Variants in AKNA observed in about 807,000 individuals in gnomAD.
AKNA encodes the protein AT-hook transcription factor, also known as microtubule organization protein AKNA.
AKNA carries 67 observed loss-of-function variants against 138.8 expected under a neutral mutation model. That is an observed-to-expected ratio of 0.48 (90% confidence interval 0.40 to 0.59). The LOEUF is 0.59. Ranked by LOEUF, AKNA falls within the 20% of genes least tolerant of loss-of-function variation. AKNA has a pLI of 0.00. For synonymous variants in AKNA, 737 were observed against 754.4 expected, an observed-to-expected ratio of 0.98 and a Z score of 0.38; for missense variants, 1,813 against 1,880.4, an observed-to-expected ratio of 0.96 and a Z score of 0.66.
At position 114,377,293 on chromosome 9, in the gene AKNA, C is replaced by T. The variant is rs765308798; in HGVS notation, c.514G>A (p.Val172Met). Reference sequence around the variant, plus strand: ...CCACTGGCTTGTTCGCCAGAAGCCACCCAGCCCCTGGCCTGACCATGCCCA... The same window carrying T: ...CCACTGGCTTGTTCGCCAGAAGCCATCCAGCCCCTGGCCTGACCATGCCCA... The part of the protein sequence containing the change: ...ALGHGQARGW[V>M]ASGEQASGDK... The change falls in exon 3 of 22, where the codon GTG becomes ATG. Residue 172 changes from valine to methionine, a missense_variant. Transcript: ENST00000374088. The T allele has an allele frequency of 1.5e-4, 235 of 1,614,054 alleles. No individual in the cohort carries two copies. The highest frequency in any genetic ancestry group is 1.9e-4 in the Non-Finnish European group (221 of 1,180,032).
In AKNA at chr9:114,367,612, G is replaced by A; in HGVS notation, c.1659C>T (p.Ile553=). 2.5e-6 allele frequency: 4 copies of A among 1,609,794 alleles called. No homozygotes were observed. Among genetic ancestry groups the A allele is most frequent in the Non-Finnish European group, 3.4e-6 (4 of 1,176,576 alleles). ...TLGWLPENRD[I]SEDQSSAEQT... is the part of the protein sequence containing the mutation. Reference sequence around the variant, plus strand: ...GCTCTGCTGAGGACTGGTCCTCAGAGATGTCCCGGTTCTCCGGAAGCCACC... The same window carrying A: ...GCTCTGCTGAGGACTGGTCCTCAGAAATGTCCCGGTTCTCCGGAAGCCACC... The change falls in exon 6 of 22, where the codon ATC becomes ATT. Residue 553 remains isoleucine (I), a synonymous_variant. Coordinates refer to ENST00000374088, the MANE Select transcript of AKNA (RefSeq NM_001317950.2).
chr9:114,366,888 T>C (rs941194516), intron 6 of AKNA, among the ~76,000 whole-genome samples: 1 of 152,212 alleles, frequency 6.6e-6, no homozygotes. Flanking sequence ...GTGACTCTAA[T>C]GTGCTTAGGG....
chr9:114,391,977 C>A (rs1428000824), upstream of AKNA, among the ~76,000 whole-genome samples: 1 of 148,770 alleles, frequency 6.7e-6, no homozygotes, highest in African/African-American at 2.5e-5. Flanking sequence ...GCTGTGTCTG[C>A]AGAACCCTGC....
intron 14 of AKNA, among the ~76,000 whole-genome samples, chr9:114,354,441 C>T (rs1231252195): frequency 1.3e-5 from 2 of 152,256 alleles, no homozygotes; most frequent in Admixed American, 6.5e-5. Context: ...AGGCTGGGCG[C>T]GGTGGCTCAC....
intron 4 of AKNA, among the ~76,000 whole-genome samples, chr9:114,373,708 G>A (rs1216502827): frequency 2.0e-5 from 3 of 149,234 alleles, no homozygotes; most frequent in African/African-American, 7.4e-5. Flanking sequence ...GTAAGACCCC[G>A]TCTCTACAAA....
Position 114,376,839 on chromosome 9 carries a change from C to A in AKNA, c.968G>T (p.Arg323Met). ...GSISPLNPQP[R>M]PTRQGRPLPR... ...CAGCGGCCTGCCCTGCCGCGTTGGC[C>A]TGGGCTGGGGATTCAGGGGGCTGAT... The change falls in exon 3 of 22, where the codon AGG (arginine) becomes ATG (methionine). Residue 323 changes from arginine (R) to methionine (M), a missense_variant. Physicochemically the swap from Arg to Met is moderately conservative, Grantham distance 91. Transcript: ENST00000374088. 6.2e-7 allele frequency: 1 copy of A among 1,613,800 alleles called. No individual in the cohort carries two copies. Among genetic ancestry groups the A allele is most frequent in the Non-Finnish European group, 8.5e-7 (1 of 1,179,796 alleles).
Position 114,377,745 on chromosome 9 carries a change from G to A in AKNA, c.275-213C>T, listed in dbSNP as rs147616363. ...CAAACTCAAACTCAAACCCAAACCC[G>A]GTGGATGGTCCCTCCAGTGTCTCCC... On this transcript the variant is annotated intron_variant, in intron 2 of 21. Coordinates refer to ENST00000374088, the MANE Select transcript of AKNA (RefSeq NM_001317950.2). 444 of 578,252 alleles carry A rather than the reference G, an allele frequency of 7.7e-4. 5 individuals carry two copies. The highest frequency in any genetic ancestry group is 5.3e-3 in the East Asian group (182 of 34,342). The allele number at this position is 578,252 out of a possible 1,614,324, so 35.8% of individuals were successfully genotyped here. A position where few individuals can be genotyped will look rare whatever the true frequency, so the allele number is the denominator to read the frequency against.
At chr9:114,385,996 T>C (rs1834005035) in intron 1 of AKNA, among the ~76,000 whole-genome samples, 3 of 152,148 alleles carry the variant, frequency 2.0e-5, no homozygotes, top group African/African-American at 7.2e-5. Context: ...CGCAAGGGGA[T>C]ATCACCCTGC....
At chr9:114,361,642 A>G (rs1376355205) in intron 9 of AKNA, 62 bp downstream of exon 9, 5 of 1,566,406 alleles carry the variant, frequency 3.2e-6, no homozygotes, top group East Asian at 2.2e-5. Context: ...TATTGAAGAA[A>G]TGAATTAACG....
In AKNA at chr9:114,358,006, C is replaced by G; in HGVS notation, c.2654G>C (p.Ser885Thr). 5 of 1,610,060 alleles carry G rather than the reference C, an allele frequency of 3.1e-6. No homozygotes were observed. Among genetic ancestry groups the G allele is most frequent in the Non-Finnish European group, 4.2e-6 (5 of 1,177,398 alleles). ...GCTTCCCTCCAGGCTGGTCATACTA[C>G]TTTGGTGGGATGCTGCGGACTTGGT... ...PGTKSAASHQ[S>T]SMTSLEGSGI... Residue 885 changes from serine (S) to threonine (T), a missense_variant, in exon 12 of 22, where the codon AGT becomes ACT. Coordinates refer to ENST00000374088, the MANE Select transcript of AKNA (RefSeq NM_001317950.2).
In AKNA at chr9:114,360,075, A is replaced by G. The variant is rs1026422550; in HGVS notation, c.2125-13T>C. ...TGGTGGTAGCAGGCTGGGGTCAGAA[A>G]GATGGACAGACAGAGATTCAGCAGA... is the stretch of plus-strand genomic sequence containing the variant. On this transcript the variant is annotated splice_polypyrimidine_tract_variant and intron_variant, in intron 9 of 21. Transcript: ENST00000374088. The G allele has an allele frequency of 5.0e-6, 8 of 1,613,982 alleles. No individual in the cohort carries two copies. In the African/African-American group the frequency reaches 5.3e-5, roughly 11 times the overall value.
rs574211053 is a variant in AKNA, at chr9:114,363,350, A to G, written c.1789-817T>C. On this transcript the variant is annotated intron_variant, in intron 7 of 21. Transcript: ENST00000374088. Reference sequence around the variant, plus strand: ...ATCCACATCCCACTCAACTCTGAGGAGAGACAGAAGCCAAGCACAACCTAA... The same window carrying G: ...ATCCACATCCCACTCAACTCTGAGGGGAGACAGAAGCCAAGCACAACCTAA... Among the ~76,000 whole-genome samples, 8 of 152,374 alleles carry G rather than the reference A, an allele frequency of 5.3e-5. No individual in the cohort carries two copies. The East Asian group carries it at 1.5e-3, about 29-fold the overall frequency.
At chr9:114,352,635 T>C (rs781620675) in intron 14 of AKNA, among the ~76,000 whole-genome samples, 2 of 146,684 alleles carry the variant, frequency 1.4e-5, no homozygotes. Context: ...TTTAAAATAA[T>C]GAACCAGCTG....
At chr9:114,348,256 C>T (rs1215545085) in intron 15 of AKNA, among the ~76,000 whole-genome samples, 1 of 152,154 alleles carries the variant, frequency 6.6e-6, no homozygotes, top group Non-Finnish European at 1.5e-5. Flanking sequence ...CATAAAATAC[C>T]AACCTTCACT....
In AKNA at chr9:114,334,347, G is replaced by A. The variant is rs1829917501; in HGVS notation, c.*2707C>T. The A allele has an allele frequency of 7.2e-6, 1 of 138,816 alleles. No homozygotes were observed. Among genetic ancestry groups the A allele is most frequent in the East Asian group, 1.9e-4 (1 of 5,348 alleles). The allele number at this position is 138,816 out of a possible 1,614,324, so 8.6% of individuals were successfully genotyped here. A position where few individuals can be genotyped will look rare whatever the true frequency, so the allele number is the denominator to read the frequency against. ...CAGGAAGGCCTGAGTGAAGGCTGCT[G>A]TGGGCAACTAGGCAAGAGGCGGTTG... On this transcript the variant is annotated 3_prime_UTR_variant, in exon 22 of 22. Transcript: ENST00000374088.
At chr9:114,357,076 G>A (rs1212879246) in intron 12 of AKNA, 107 bp from the exon 13 acceptor site, 1 of 979,282 alleles carries the variant, frequency 1.0e-6, no homozygotes, top group African/African-American at 1.7e-5. Context: ...TCACACCCCA[G>A]GGTTGCTGGC....
intron 12 of AKNA, among the ~76,000 whole-genome samples, chr9:114,357,529 G>C (rs1363607932): frequency 6.6e-6 from 1 of 152,146 alleles, no homozygotes; most frequent in Non-Finnish European, 1.5e-5. Flanking sequence ...GTGTGTGTGT[G>C]TGTGTGTTTG....
intron 1 of AKNA, among the ~76,000 whole-genome samples, chr9:114,381,733 T>C (rs931477483): frequency 3.0e-5 from 4 of 133,614 alleles, no homozygotes; most frequent in Non-Finnish European, 4.6e-5. Flanking sequence ...CAATCTCGGC[T>C]CACTGCAACC....
At chr9:114,374,393 C>A (rs565797835) in intron 3 of AKNA, among the ~76,000 whole-genome samples, 3 of 152,206 alleles carry the variant, frequency 2.0e-5, no homozygotes, top group African/African-American at 7.2e-5. Context: ...ACTCTTCTAC[C>A]CCCATGACAA....
Sources: gnomAD v4.1 joint callset for allele counts (sites outside exome capture counted in the v4.1 genomes callset) on GRCh38, gnomAD v4.1.1 for gene constraint, MANE v1.5 for transcripts, NCBI Gene and HGNC (gene_info 2026-07-23, HGNC 2026-07-21) for gene names.